DPY19L2: variants seen among roughly 807,000 people sequenced by gnomAD.
DPY19L2 encodes probable C-mannosyltransferase DPY19L2.
In DPY19L2, 34 loss-of-function variants were observed where a neutral mutation model predicts 97.9. The ratio of observed to expected loss-of-function variants is 0.35; its 90% CI spans 0.26 to 0.46. DPY19L2 has a LOEUF of 0.46. DPY19L2 is among the 20% of genes least tolerant of loss of function. The probability of loss-of-function intolerance (pLI) is 1.00; values close to 1 mark genes in which losing one functional copy is unlikely to be tolerated. For synonymous variants in DPY19L2, 230 were observed against 307.9 expected, an observed-to-expected ratio of 0.75 and a Z score of 2.65; for missense variants, 623 against 911.4, an observed-to-expected ratio of 0.68 and a Z score of 4.07.
chr12:63,628,617 C>A (rs147621739), intron 6 of DPY19L2, among the ~76,000 whole-genome samples: 4,496 of 152,202 alleles, frequency 0.03, 105 homozygotes, highest in Middle Eastern at 0.082. Flanking sequence ...GCCTCCCTGC[C>A]TCTGTAGACT....
chr12:63,634,089 G>C (rs1163637127), intron 6 of DPY19L2, among the ~76,000 whole-genome samples: 2 of 152,016 alleles, frequency 1.3e-5, no homozygotes, highest in African/African-American at 4.8e-5. Flanking sequence ...GGGAGGGATA[G>C]CATTTGGAGA....
At chr12:63,620,526 C>T (rs1340792728) in intron 9 of DPY19L2, among the ~76,000 whole-genome samples, 8 of 152,068 alleles carry the variant, frequency 5.3e-5, no homozygotes, top group South Asian at 4.1e-4. Context: ...TTTCACATGC[C>T]GAGCCTTAAA....
intron 5 of DPY19L2, among the ~76,000 whole-genome samples, chr12:63,646,114 T>G (rs1033829979): frequency 6.6e-5 from 10 of 152,194 alleles, no homozygotes; most frequent in African/African-American, 2.4e-4. Flanking sequence ...AGTAACCTTA[T>G]TTTCTTATTT....
intron 21 of DPY19L2, among the ~76,000 whole-genome samples, chr12:63,565,603 C>T (rs2137256640): frequency 1.3e-5 from 2 of 152,240 alleles, no homozygotes; most frequent in East Asian, 3.9e-4. Flanking sequence ...ACGTAATTCA[C>T]AATTTCTGGG....
intron 16 of DPY19L2, among the ~76,000 whole-genome samples, chr12:63,587,365 A>G (rs1280999127): frequency 9.2e-5 from 14 of 151,884 alleles, no homozygotes; most frequent in Admixed American, 5.9e-4. Flanking sequence ...AAGTTGATGT[A>G]CTAGACCATT....
At chr12:63,655,760 C>T (rs957258155) in intron 4 of DPY19L2, among the ~76,000 whole-genome samples, 4 of 151,942 alleles carry the variant, frequency 2.6e-5, no homozygotes, top group Admixed American at 2.0e-4. Context: ...GTGGGTTTCA[C>T]GCCTTTCTCT....
chr12:63,625,941 TATATATA>T (rs934332005), intron 7 of DPY19L2, among the ~76,000 whole-genome samples: 5 of 147,980 alleles, frequency 3.4e-5, no homozygotes, highest in East Asian at 1.9e-4. Flanking sequence ...ATATGTTATA[TATATATA>T]ATATATAAGT....
intron 17 of DPY19L2, among the ~76,000 whole-genome samples, chr12:63,583,574 A>G (rs1024654344): frequency 3.3e-5 from 5 of 152,198 alleles, no homozygotes; most frequent in Non-Finnish European, 7.3e-5. Context: ...TGTTAAATGA[A>G]TGCAATTTAA....
chr12:63,668,362 A>C lies in DPY19L2; in HGVS notation c.32T>G (p.Leu11Arg). 1 of 1,613,246 alleles carries C rather than the reference A, an allele frequency of 6.2e-7. No individual in the cohort carries two copies. Residue 11 changes from leucine to arginine, a missense_variant, in exon 1 of 22, where the codon CTG (leucine) becomes CGG (arginine). By Grantham distance (102) the Leu-to-Arg change is moderately radical. This residue lies in a region of DPY19L2 where 144 missense variants were observed against 119.4 expected (regional missense o/e 1.21). Coordinates refer to ENST00000324472, the MANE Select transcript of DPY19L2 (RefSeq NM_173812.5). ...AGACTGGCTGCGGCCGGAAGATTGCAGCCGCTTTGAGCTTACTCCTTGTTT... is the reference window on the plus strand; with the variant it reads ...AGACTGGCTGCGGCCGGAAGATTGCCGCCGCTTTGAGCTTACTCCTTGTTT... MRKQGVSSKR[L>R]QSSGRSQSKG...
At chr12:63,618,036 C>G (rs977105266) in intron 10 of DPY19L2, 115 bp downstream of exon 10, 2 of 953,412 alleles carry the variant, frequency 2.1e-6, no homozygotes, top group Non-Finnish European at 3.1e-6. Flanking sequence ...ATCACCAATA[C>G]CATATGTATT....
At chr12:63,571,320 G>A (rs1404589361) in intron 19 of DPY19L2, among the ~76,000 whole-genome samples, 3 of 152,154 alleles carry the variant, frequency 2.0e-5, no homozygotes, top group East Asian at 1.9e-4. Flanking sequence ...TGTTGTAGAT[G>A]ATGAAGAGAC....
chr12:63,634,309 A>T (rs35612008), intron 6 of DPY19L2, among the ~76,000 whole-genome samples: 1 of 152,152 alleles, frequency 6.6e-6, no homozygotes, highest in Non-Finnish European at 1.5e-5. Context: ...AACATGTAAG[A>T]TATGAAAGGA....
intron 6 of DPY19L2, among the ~76,000 whole-genome samples, chr12:63,639,676 G>C (rs538018366): frequency 2.6e-5 from 4 of 152,116 alleles, no homozygotes; most frequent in African/African-American, 9.7e-5. Flanking sequence ...AGTTAGAATG[G>C]CAATCATTAA....
In DPY19L2 at chr12:63,559,108, G is replaced by A. The variant is rs1029031926; in HGVS notation, c.*1404C>T. ...AGGTGTTATGTCTCTTTTCTTTGAC[G>A]CTCTCCTTTTTTATCCTGTGCTTAC... On this transcript the variant is annotated 3_prime_UTR_variant, in exon 22 of 22. Coordinates refer to ENST00000324472, the MANE Select transcript of DPY19L2 (RefSeq NM_173812.5). The A allele has an allele frequency of 1.4e-4, 21 of 151,984 alleles. No homozygotes were observed. The highest frequency in any genetic ancestry group is 6.6e-4 in the Admixed American group (10 of 15,258). 9.4% of individuals were successfully genotyped at this position (151,984 alleles called of 1,614,324 possible). A position where few individuals can be genotyped will look rare whatever the true frequency, so the allele number is the denominator to read the frequency against.
At chr12:63,562,396 T>G (rs1876732871) in intron 21 of DPY19L2, among the ~76,000 whole-genome samples, 1 of 152,216 alleles carries the variant, frequency 6.6e-6, no homozygotes, top group Non-Finnish European at 1.5e-5. Context: ...TGTTTGGATA[T>G]TCTAATAGTG....
At chr12:63,651,588 C>G (rs1472395356) in intron 4 of DPY19L2, 1 of 291,854 alleles carries the variant, frequency 3.4e-6, no homozygotes, top group Non-Finnish European at 6.8e-6. Flanking sequence ...CTCCGTGCCA[C>G]TCCCAGTCAC....
intron 16 of DPY19L2, among the ~76,000 whole-genome samples, chr12:63,592,021 G>GT (rs1244876832): frequency 1.9e-4 from 3 of 15,662 alleles, no homozygotes; most frequent in African/African-American, 3.2e-4. Context: ...GAGGGGAGGG[G>GT]AGGGGAGGGG....
chr12:63,560,789 CA>C (rs1876341187), intron 21 of DPY19L2, 127 bp from the exon 22 acceptor site: 1 of 1,330,214 alleles, frequency 7.5e-7, no homozygotes, highest in East Asian at 2.6e-5. Flanking sequence ...AGCGTCATTT[CA>C]AAAAACAATT....
At chr12:63,583,548 A>G (rs536871996) in intron 17 of DPY19L2, among the ~76,000 whole-genome samples, 14 of 152,324 alleles carry the variant, frequency 9.2e-5, no homozygotes, top group Non-Finnish European at 1.2e-4. Flanking sequence ...CAGGCTAGAA[A>G]CTGAATGCTT....
Sources: gnomAD v4.1 joint callset for allele counts (sites outside exome capture counted in the v4.1 genomes callset) on GRCh38, gnomAD v4.1.1 for gene constraint, gnomAD v4.1.1 regional missense constraint, MANE v1.5 for transcripts, NCBI Gene and HGNC (gene_info 2026-07-23, HGNC 2026-07-21) for gene names.